The following TRPM3 variants were observed in gnomAD, a reference collection of about 807,000 sequenced individuals.
TRPM3 encodes the protein long transient receptor potential channel 3.
In TRPM3, 77 loss-of-function variants were observed where a neutral mutation model predicts 181.2. The observed-to-expected ratio is 0.42, with a 90% CI of 0.35 to 0.51. TRPM3 has a LOEUF of 0.51. Ranked by LOEUF, TRPM3 falls within the 20% of genes least tolerant of loss-of-function variation. TRPM3 has a pLI of 0.01. For synonymous variants in TRPM3, 745 were observed against 796.4 expected (o/e 0.94, Z 1.09); for missense variants, 1,759 against 2,196.7 (o/e 0.80, Z 3.98).
At chr9:70,680,459 T>C (rs2065130690) in intron 9 of TRPM3, among the ~76,000 whole-genome samples, 1 of 152,194 alleles carries the variant, frequency 6.6e-6, no homozygotes, top group Non-Finnish European at 1.5e-5. Context: ...AATCTATCAC[T>C]GAATCATTGA....
At chr9:71,117,809 A>G (rs181532905) in intron 1 of TRPM3, among the ~76,000 whole-genome samples, 1 of 152,304 alleles carries the variant, frequency 6.6e-6, no homozygotes, top group African/African-American at 2.4e-5. Context: ...TGACTTAAAT[A>G]TCTTTCCAAA....
intron 25 of TRPM3, among the ~76,000 whole-genome samples, chr9:70,538,693 G>T (rs1297095024): frequency 6.6e-6 from 1 of 152,180 alleles, no homozygotes; most frequent in Non-Finnish European, 1.5e-5. Flanking sequence ...CTCCCAAAGT[G>T]CTGGGATCAC....
intron 10 of TRPM3, 97 bp downstream of exon 10, chr9:70,640,463 A>G (rs904350040): frequency 7.7e-6 from 7 of 906,440 alleles, no homozygotes; most frequent in Non-Finnish European, 1.2e-5. Flanking sequence ...TCTTAAAGAA[A>G]AAGCAATCGT....
At chr9:71,142,028 G>T (rs1025847287) in intron 1 of TRPM3, among the ~76,000 whole-genome samples, 1 of 152,160 alleles carries the variant, frequency 6.6e-6, no homozygotes, top group South Asian at 2.1e-4. Context: ...TAAGTAGAAA[G>T]AGTTTTGTCA....
chr9:70,872,101 C>T (rs929465204), intron 1 of TRPM3, among the ~76,000 whole-genome samples: 4 of 151,956 alleles, frequency 2.6e-5, no homozygotes, highest in Admixed American at 2.6e-4. Context: ...GGTTAGCAAA[C>T]GTTTTCTGCT....
intron 22 of TRPM3, among the ~76,000 whole-genome samples, chr9:70,567,554 G>A (rs551088494): frequency 2.0e-5 from 3 of 152,034 alleles, no homozygotes; most frequent in Non-Finnish European, 4.4e-5. Flanking sequence ...TTTAATAAGC[G>A]AATGCTTCAT....
chr9:71,024,026 T>G (rs928712855), intron 1 of TRPM3, among the ~76,000 whole-genome samples: 1 of 152,214 alleles, frequency 6.6e-6, no homozygotes, highest in Non-Finnish European at 1.5e-5. Flanking sequence ...AGTGGTGGAT[T>G]GTACAATGTC....
In TRPM3 at chr9:70,646,274, G is replaced by A. The variant is rs912236306; in HGVS notation, c.1346-5614C>T. Among the ~76,000 whole-genome samples the A allele has an allele frequency of 5.9e-5, 9 of 152,280 alleles. No homozygotes were observed. The East Asian group carries it at 7.7e-4, about 13-fold the overall frequency. On this transcript the variant is annotated intron_variant, in intron 9 of 25. Coordinates refer to ENST00000677713, the MANE Select transcript of TRPM3 (RefSeq NM_001366145.2). ...ATTCTATGAAGACACATGCACACAT[G>A]TTTATTGAAGCACTATTCACAATAG...
At chr9:71,262,295 C>G (rs1431687370) in intron 1 of TRPM3, among the ~76,000 whole-genome samples, 1 of 152,136 alleles carries the variant, frequency 6.6e-6, no homozygotes. Flanking sequence ...CCGGACTTCC[C>G]AGGGGCTTTG....
intron 1 of TRPM3, among the ~76,000 whole-genome samples, chr9:71,000,739 T>C (rs1313134519): frequency 6.6e-6 from 1 of 152,178 alleles, no homozygotes; most frequent in Non-Finnish European, 1.5e-5. Context: ...CAATACAATG[T>C]ACATATGCTA....
chr9:71,171,244 T>A (rs538458625), intron 1 of TRPM3, among the ~76,000 whole-genome samples: 2 of 152,294 alleles, frequency 1.3e-5, no homozygotes, highest in African/African-American at 4.8e-5. Context: ...TTTGCCCCAG[T>A]CCTGTGGTCC....
chr9:71,313,003 T>C (rs556635319), intron 1 of TRPM3, among the ~76,000 whole-genome samples: 16 of 152,212 alleles, frequency 1.1e-4, no homozygotes, highest in Admixed American at 8.5e-4. Context: ...CCAAAACTCA[T>C]AGAATGTACA....
chr9:70,755,025 A>T (rs145857402), intron 8 of TRPM3, among the ~76,000 whole-genome samples: 157 of 152,286 alleles, frequency 1.0e-3, no homozygotes, highest in Non-Finnish European at 1.6e-3. Flanking sequence ...CCATGTACAT[A>T]AGTAGTCCCT....
At chr9:70,956,271 C>G (rs1235152721) in intron 1 of TRPM3, among the ~76,000 whole-genome samples, 1 of 146,056 alleles carries the variant, frequency 6.8e-6, no homozygotes. Context: ...TAAAGATAGC[C>G]TCATCTCTAC....
At chr9:70,751,352 T>G (rs139123261) in intron 8 of TRPM3, among the ~76,000 whole-genome samples, 1 of 152,184 alleles carries the variant, frequency 6.6e-6, no homozygotes, top group Admixed American at 6.5e-5. Flanking sequence ...TGAATAATGA[T>G]AGAAAAATAT....
intron 1 of TRPM3, among the ~76,000 whole-genome samples, chr9:71,201,121 C>T (rs1587921971): frequency 6.6e-6 from 1 of 151,604 alleles, no homozygotes; most frequent in South Asian, 2.1e-4. Flanking sequence ...TTTATTTCTC[C>T]TTCACTTATG....
intron 1 of TRPM3, among the ~76,000 whole-genome samples, chr9:71,413,645 G>C (rs2093595100): frequency 6.6e-6 from 1 of 152,050 alleles, no homozygotes; most frequent in African/African-American, 2.4e-5. Flanking sequence ...TTTAGGTCAA[G>C]AGAGCTCCAC....
intron 1 of TRPM3, among the ~76,000 whole-genome samples, chr9:71,089,095 T>C (rs2065753975): frequency 6.8e-6 from 1 of 147,652 alleles, no homozygotes; most frequent in African/African-American, 2.5e-5. Context: ...GCACCATATA[T>C]ATATTATATA....
chr9:70,545,906 C>T (rs988135072), intron 25 of TRPM3, among the ~76,000 whole-genome samples: 1 of 152,156 alleles, frequency 6.6e-6, no homozygotes, highest in Non-Finnish European at 1.5e-5. Context: ...GTAGCATAGG[C>T]AGTTTCTTCT....
Sources: allele counts gnomAD v4.1 joint callset (sites outside exome capture counted in the v4.1 genomes callset), GRCh38; gene constraint gnomAD v4.1.1; transcripts MANE v1.5; gene names NCBI Gene and HGNC (gene_info 2026-07-23, HGNC 2026-07-21).